The following CSNK1G1 variants were observed in gnomAD, a reference collection of about 807,000 sequenced individuals.
CSNK1G1 encodes the protein casein kinase I isoform gamma-1.
In CSNK1G1, 22 loss-of-function variants were observed where a neutral mutation model predicts 59.6. The ratio of observed to expected loss-of-function variants is 0.37; its 90% CI spans 0.26 to 0.53. The LOEUF is 0.53. Ranked by LOEUF, CSNK1G1 falls within the 20% of genes least tolerant of loss-of-function variation. The pLI is 0.89. For missense variants in CSNK1G1, 384 were observed against 519.5 expected, an observed-to-expected ratio of 0.74 and a Z score of 2.54; for synonymous variants, 179 against 177.1, an observed-to-expected ratio of 1.01 and a Z score of -0.08.
intron 5 of CSNK1G1, among the ~76,000 whole-genome samples, chr15:64,215,400 G>T (rs181022826): frequency 3.4e-4 from 52 of 151,964 alleles, no homozygotes; most frequent in African/African-American, 1.1e-3. Flanking sequence ...TTTTAGTAGA[G>T]ATGGGGTTTC....
At chr15:64,339,599 C>T (rs891020333) in intron 1 of CSNK1G1, among the ~76,000 whole-genome samples, 3 of 152,078 alleles carry the variant, frequency 2.0e-5, no homozygotes, top group African/African-American at 4.8e-5. Context: ...AGACATGAGC[C>T]CAGCCAGCAA....
intron 1 of CSNK1G1, among the ~76,000 whole-genome samples, chr15:64,306,553 G>A (rs547625370): frequency 2.6e-5 from 4 of 152,086 alleles, no homozygotes; most frequent in Non-Finnish European, 5.9e-5. Flanking sequence ...AAAATGGTAC[G>A]GCTATTTTGG....
At chr15:64,288,853 C>T (rs1274757108) in intron 2 of CSNK1G1, among the ~76,000 whole-genome samples, 5 of 151,886 alleles carry the variant, frequency 3.3e-5, no homozygotes, top group Admixed American at 2.6e-4. Context: ...CTTCTGTTGC[C>T]CATAACCATC....
intron 6 of CSNK1G1, among the ~76,000 whole-genome samples, chr15:64,209,618 G>A (rs1244729907): frequency 6.6e-6 from 1 of 152,060 alleles, no homozygotes; most frequent in South Asian, 2.1e-4. Context: ...TTGTCTACAT[G>A]GCTTGTCTGA....
intron 1 of CSNK1G1, among the ~76,000 whole-genome samples, chr15:64,345,377 A>G (rs1164635994): frequency 6.6e-6 from 1 of 152,220 alleles, no homozygotes; most frequent in African/African-American, 2.4e-5. Context: ...AGTCTTCAAC[A>G]AGTGTAATAA....
At chr15:64,280,503 G>A (rs112072878) in intron 2 of CSNK1G1, among the ~76,000 whole-genome samples, 2,310 of 151,664 alleles carry the variant, frequency 0.015, 53 homozygotes, top group African/African-American at 0.046. Flanking sequence ...GGGTTCAAGC[G>A]GTTCTATAAA....
At chr15:64,289,812 A>G (rs1894638961) in intron 2 of CSNK1G1, among the ~76,000 whole-genome samples, 1 of 152,072 alleles carries the variant, frequency 6.6e-6, no homozygotes, top group Non-Finnish European at 1.5e-5. Context: ...AAGGACATGA[A>G]CATTTTTCAA....
At chr15:64,201,271 C>CAAAAAAA (rs545719275) in intron 10 of CSNK1G1, among the ~76,000 whole-genome samples, 2 of 65,006 alleles carry the variant, frequency 3.1e-5, no homozygotes, top group African/African-American at 9.9e-5. Context: ...GACACTGTCT[C>CAAAAAAA]AAAAAAAAAA....
chr15:64,181,465 C>T, intron 10 of CSNK1G1: 1 of 1,482,152 alleles, frequency 6.7e-7, no homozygotes, highest in Non-Finnish European at 8.9e-7. Flanking sequence ...ATAGGATAAA[C>T]AATTTGGATA....
At chr15:64,343,785 A>G (rs1012087170) in intron 1 of CSNK1G1, among the ~76,000 whole-genome samples, 1 of 151,026 alleles carries the variant, frequency 6.6e-6, no homozygotes, top group Non-Finnish European at 1.5e-5. Flanking sequence ...GATATAGACT[A>G]TATCTTCAAT....
At chr15:64,270,295 T>C (rs1893218552) in intron 2 of CSNK1G1, among the ~76,000 whole-genome samples, 1 of 152,212 alleles carries the variant, frequency 6.6e-6, no homozygotes, top group Non-Finnish European at 1.5e-5. Flanking sequence ...CATGTCTTAA[T>C]TTCCTTTGGT....
intron 7 of CSNK1G1, among the ~76,000 whole-genome samples, chr15:64,205,585 G>C (rs1272762173): frequency 6.6e-6 from 1 of 152,164 alleles, no homozygotes; most frequent in Non-Finnish European, 1.5e-5. Context: ...TGGGCTCCTA[G>C]GGAATTCTTG....
intron 2 of CSNK1G1, among the ~76,000 whole-genome samples, chr15:64,274,830 T>C (rs1416577800): frequency 1.3e-5 from 2 of 151,420 alleles, no homozygotes; most frequent in African/African-American, 4.8e-5. Context: ...ATACAGTCTG[T>C]TTAGTTAGAG....
chr15:64,198,192 CTTTTT>C lies in CSNK1G1; in HGVS notation c.1107+4885_1107+4889del, dbSNP rs893282431. 7.7e-3 allele frequency among the ~76,000 whole-genome samples: 853 copies of C among 110,528 alleles called. 1 individual carries two copies. Among genetic ancestry groups the C allele is most frequent in the Non-Finnish European group, 0.012 (636 of 54,968 alleles). 72.5% of individuals were successfully genotyped at this position (110,528 alleles called of 152,430 possible). ...CCCTACTTGGTATCCACAGGATATA[CTTTTT>C]TTTTTTTTTTTTTTTTTTTGAAACA... On this transcript the variant is annotated intron_variant, in intron 10 of 11. Transcript: ENST00000303052.
intron 1 of CSNK1G1, among the ~76,000 whole-genome samples, chr15:64,321,888 T>C (rs1377467656): frequency 5.3e-5 from 8 of 152,230 alleles, no homozygotes; most frequent in Non-Finnish European, 1.2e-4. Context: ...CTGAATTATT[T>C]TTCTATAGTT....
intron 1 of CSNK1G1, among the ~76,000 whole-genome samples, chr15:64,333,257 CAAA>C (rs60857897): frequency 2.4e-4 from 4 of 16,502 alleles, no homozygotes; most frequent in South Asian, 5.3e-3. Flanking sequence ...GACTCCATCT[CAAA>C]AAAAAAAAAA....
At chr15:64,329,266 A>G (rs1005737110) in intron 1 of CSNK1G1, among the ~76,000 whole-genome samples, 8 of 151,960 alleles carry the variant, frequency 5.3e-5, no homozygotes, top group African/African-American at 9.7e-5. Flanking sequence ...TTGACCACAT[A>G]GTTGGAAGTA....
At chr15:64,251,817 A>G (rs1892101971) in intron 3 of CSNK1G1, among the ~76,000 whole-genome samples, 1 of 152,228 alleles carries the variant, frequency 6.6e-6, no homozygotes, top group Non-Finnish European at 1.5e-5. Flanking sequence ...TGCATGAGCT[A>G]TCATTCAAGG....
chr15:64,252,175 TA>T, intron 3 of CSNK1G1, among the ~76,000 whole-genome samples: 1 of 151,784 alleles, frequency 6.6e-6, no homozygotes, highest in South Asian at 2.1e-4. Context: ...GATTATAATA[TA>T]TTTGCTGTTC....
Sources: gnomAD v4.1 joint callset for allele counts (sites outside exome capture counted in the v4.1 genomes callset) on GRCh38, gnomAD v4.1.1 for gene constraint, MANE v1.5 for transcripts, NCBI Gene and HGNC (gene_info 2026-07-23, HGNC 2026-07-21) for gene names.